The following GIGYF1 variants were observed in gnomAD, a reference collection of about 807,000 sequenced individuals.
The protein encoded by GIGYF1 is GRB10-interacting GYF protein 1.
GIGYF1 carries 84 observed loss-of-function variants against 147.1 expected under a neutral mutation model. The observed-to-expected ratio is 0.57, with a 90% CI of 0.48 to 0.68. GIGYF1 has a LOEUF of 0.68. Ranked by LOEUF, GIGYF1 falls within the 30% of genes least tolerant of loss-of-function variation. The pLI, the probability that GIGYF1 is intolerant of heterozygous loss-of-function variation, is 0.00. For synonymous variants in GIGYF1, 752 were observed against 589.5 expected (o/e 1.28, Z -3.99); for missense variants, 1,485 against 1,393.7 (o/e 1.07, Z -1.04).
At position 100,682,213 on chromosome 7, in the gene GIGYF1, G is replaced by C. The variant is rs775360168; in HGVS notation, c.2784C>G (p.Leu928=). 1 of 1,612,840 alleles carries C rather than the reference G, an allele frequency of 6.2e-7. No homozygotes were observed. ...SLDVPMAVAI[L]KEVESPYDVH... ...CATCATAGGGGGATTCCACCTCCTT[G>C]AGGATCGCTACAGCCATGGGCACTG... The change falls in exon 25 of 27, where the codon CTC becomes CTG. Residue 928 remains leucine (L), a synonymous_variant. Coordinates refer to ENST00000678049, the MANE Select transcript of GIGYF1 (RefSeq NM_001375765.1).
At position 100,682,131 on chromosome 7, in the gene GIGYF1, T is replaced by C; in HGVS notation, c.2866A>G (p.Lys956Glu). ...TTGGCCCTCCGCTCCAGGAATTGTT[T>C]GGCAAATTCTTTGGCTTCCAGCGTG... ...GDTLEAKEFA[K>E]QFLERRAKQK... The change falls in exon 25 of 27, where the codon AAA (lysine) becomes GAA (glutamate). Residue 956 changes from lysine (K) to glutamate (E), a missense_variant. Lys to Glu is a moderately conservative substitution (Grantham distance 56, BLOSUM62 1). Coordinates refer to ENST00000678049, the MANE Select transcript of GIGYF1 (RefSeq NM_001375765.1). The C allele has an allele frequency of 6.2e-7, 1 of 1,614,034 alleles. No homozygotes were observed. The highest frequency in any genetic ancestry group is 8.5e-7 in the Non-Finnish European group (1 of 1,179,956).
Position 100,683,911 on chromosome 7 carries a change from C to T in GIGYF1, c.1876G>A (p.Asp626Asn). ...LQALKPPRGGDQNLLPTMSRS... is the reference protein window; with the variant it reads ...LQALKPPRGGNQNLLPTMSRS... Reference sequence around the variant, plus strand: ...CTCATCGTCGGGAGCAGGTTCTGGTCCCCGCCTCTGAGGAGCAAATTGTGG... The same window carrying T: ...CTCATCGTCGGGAGCAGGTTCTGGTTCCCGCCTCTGAGGAGCAAATTGTGG... The change falls in exon 19 of 27, where the codon GAC (aspartate) becomes AAC (asparagine). Residue 626 changes from aspartate to asparagine, a missense_variant. Asp to Asn is a conservative substitution (Grantham distance 23). Coordinates refer to ENST00000678049, the MANE Select transcript of GIGYF1 (RefSeq NM_001375765.1). 1 of 1,555,208 alleles carries T rather than the reference C, an allele frequency of 6.4e-7. No homozygotes were observed.
chr7:100,692,975 C>T (rs558671246), intron 1 of GIGYF1, among the ~76,000 whole-genome samples: 1 of 152,254 alleles, frequency 6.6e-6, no homozygotes, highest in Non-Finnish European at 1.5e-5. Flanking sequence ...TTACTGGTAC[C>T]ACCGATGGTG....
rs1805820098 is a variant in GIGYF1, at chr7:100,691,505, G to GTTTTTT, written c.-1098-1951_-1098-1950insAAAAAA. ...GGAGAAAATCTTTGAGAAAAGAATA[G>GTTTTTT]ATTTTTTTTTTTTAAGAAAAACTGC... On this transcript the variant is annotated intron_variant, in intron 1 of 26. Transcript: ENST00000678049. 4.2e-4 allele frequency among the ~76,000 whole-genome samples: 9 copies of GTTTTTT among 21,650 alleles called. No individual in the cohort carries two copies. In the Admixed American group the frequency reaches 6.1e-3, roughly 15 times the overall value. 14.2% of individuals were successfully genotyped at this position (21,650 alleles called of 152,430 possible). A position where few individuals can be genotyped will look rare whatever the true frequency, so the allele number is the denominator to read the frequency against.
At chr7:100,684,371 C>G in intron 16 of GIGYF1, 34 bp from the exon 17 acceptor site, 1 of 1,596,846 alleles carries the variant, frequency 6.3e-7, no homozygotes, top group East Asian at 2.3e-5. Context: ...GTGCCCCCAG[C>G]AGGGAGGAGG....
rs140997486 is a variant in GIGYF1, at chr7:100,683,845, C to T, written c.1942G>A (p.Val648Ile). ...SVPDSGRLWD[V>I]HTSASSQSGG... Reference sequence around the variant, plus strand: ...GACTGTGATGAGGCTGAGGTATGTACGTCCCAGAGGCGGCCCGAATCTGGC... The same window carrying T: ...GACTGTGATGAGGCTGAGGTATGTATGTCCCAGAGGCGGCCCGAATCTGGC... The change falls in exon 19 of 27, where the codon GTA becomes ATA. Residue 648 changes from valine to isoleucine, a missense_variant. Physicochemically the swap from Val to Ile is conservative, Grantham distance 29. Transcript: ENST00000678049. 6.1e-4 allele frequency: 951 copies of T among 1,569,914 alleles called. 3 individuals are homozygous for T. In the African/African-American group the frequency reaches 0.011, roughly 18 times the overall value.
In GIGYF1 at chr7:100,680,043, T is replaced by G. The variant is rs529570980; in HGVS notation, c.*1676A>C. 2 of 151,702 alleles carry G rather than the reference T, an allele frequency of 1.3e-5. No individual in the cohort carries two copies. The highest frequency in any genetic ancestry group is 2.1e-4 in the South Asian group (1 of 4,814). The allele number at this position is 151,702 out of a possible 1,614,324, so 9.4% of individuals were successfully genotyped here. On this transcript the variant is annotated 3_prime_UTR_variant, in exon 27 of 27. Transcript: ENST00000678049. ...CCCCGGCCCGTCACCCCTTATTGCT[T>G]TAGAGAGAATATTGTCTTTTCAGGG...
chr7:100,687,739 G>C, intron 6 of GIGYF1, 49 bp downstream of exon 6: 1 of 1,553,596 alleles, frequency 6.4e-7, no homozygotes. Flanking sequence ...CCCAACCCAT[G>C]GCCTCCCCTC....
chr7:100,683,195 CTGT>C lies in GIGYF1; in HGVS notation c.2226_2228del (p.Gln746del). The C allele has an allele frequency of 6.2e-7, 1 of 1,608,896 alleles. No individual in the cohort carries two copies. The highest frequency in any genetic ancestry group is 8.5e-7 in the Non-Finnish European group (1 of 1,179,760). On this transcript the variant is annotated inframe_deletion, in exon 22 of 27. Transcript: ENST00000678049. ...GGGGCACAGGGACCGCCTGCTGCTG[CTGT>C]AGCAACTTCAGCAATAGCTCCTGCT...
At chr7:100,686,119 T>C in intron 11 of GIGYF1, 40 bp from the exon 12 acceptor site, 3 of 1,520,442 alleles carry the variant, frequency 2.0e-6, no homozygotes, top group East Asian at 2.3e-5. Flanking sequence ...ACAGCTGGGG[T>C]GGGTGGGGAG....
rs763751611 is a variant in GIGYF1, at chr7:100,682,670, G to C, written c.2520C>G (p.Leu840=). The change falls in exon 23 of 27, where the codon CTC becomes CTG. Residue 840 remains leucine, a synonymous_variant. Coordinates refer to ENST00000678049, the MANE Select transcript of GIGYF1 (RefSeq NM_001375765.1). ...CGCCGCTCTTGGGGGTGTCCTCCCA[G>C]AGCCCCAGGCCGCTGCTGCCGCCCC... ...KSGGGSSGLG[L]WEDTPKSGGS... The C allele has an allele frequency of 2.5e-6, 4 of 1,603,624 alleles. No homozygotes were observed. Among genetic ancestry groups the C allele is most frequent in the Non-Finnish European group, 3.4e-6 (4 of 1,176,358 alleles).
rs376468479 is a variant in GIGYF1, at chr7:100,686,928, G to A, written c.523+78C>T. 6.0e-4 allele frequency: 963 copies of A among 1,605,240 alleles called. 1 individual carries two copies. Among genetic ancestry groups the A allele is most frequent in the Admixed American group, 1.3e-3 (81 of 60,002 alleles). On this transcript the variant is annotated intron_variant, in intron 9 of 26. Coordinates refer to ENST00000678049, the MANE Select transcript of GIGYF1 (RefSeq NM_001375765.1). Reference sequence around the variant, plus strand: ...AGGCCCTCCTGCCCCCAACACCTCCGAAATAAGCACCCCCAGACTGGGCCA... The same window carrying A: ...AGGCCCTCCTGCCCCCAACACCTCCAAAATAAGCACCCCCAGACTGGGCCA...
At position 100,684,339 on chromosome 7, in the gene GIGYF1, T is replaced by G; in HGVS notation, c.1630-2A>C. On this transcript the variant is annotated splice_acceptor_variant, in intron 16 of 26. Transcript: ENST00000678049. LOFTEE classifies it high-confidence loss of function. The stretch of plus-strand genomic sequence containing the variant: ...CAGCCGCTCCTGGTCCATGTTTCCC[T>G]GCTCAGGTGAGAGCTCGGCCAGTGC... 6.3e-7 allele frequency: 1 copy of G among 1,595,686 alleles called. No homozygotes were observed. The highest frequency in any genetic ancestry group is 8.5e-7 in the Non-Finnish European group (1 of 1,172,320).
In GIGYF1 at chr7:100,683,890, T is replaced by C. The variant is rs1287300981; in HGVS notation, c.1897A>G (p.Met633Val). 1 of 1,555,724 alleles carries C rather than the reference T, an allele frequency of 6.4e-7. No homozygotes were observed. Among genetic ancestry groups the C allele is most frequent in the Admixed American group, 2.0e-5 (1 of 51,210 alleles). The change falls in exon 19 of 27, where the codon ATG becomes GTG. Residue 633 changes from methionine (M) to valine (V), a missense_variant. Met to Val is a conservative substitution (Grantham distance 21). Coordinates refer to ENST00000678049, the MANE Select transcript of GIGYF1 (RefSeq NM_001375765.1). Reference protein sequence around the residue: ...RGGDQNLLPTMSRSLSVPDSG... With the variant: ...RGGDQNLLPTVSRSLSVPDSG... ...TCTGGCACCGACAAGGACCGGCTCA[T>C]CGTCGGGAGCAGGTTCTGGTCCCCG...
intron 1 of GIGYF1, among the ~76,000 whole-genome samples, chr7:100,690,127 T>C (rs1354088542): frequency 2.0e-5 from 3 of 152,240 alleles, no homozygotes; most frequent in African/African-American, 7.2e-5. Context: ...AATTTTGTTG[T>C]ATATTTTACC....
In GIGYF1 at chr7:100,682,602, C is replaced by T. The variant is rs1464327531; in HGVS notation, c.2588G>A (p.Ser863Asn). The T allele has an allele frequency of 2.5e-6, 4 of 1,596,500 alleles. No individual in the cohort carries two copies. In the African/African-American group the frequency reaches 5.3e-5, roughly 21 times the overall value. ...GTGCCACGCCCACCTGAGAGATGGG[C>T]TGCTCCGGCTGTTCTTCAGGCCGAG... ...RGLGLKNSRS[S>N]PSLSDSYSHL... is the part of the protein sequence containing the mutation. Residue 863 changes from serine (S) to asparagine (N), a missense_variant, in exon 23 of 27, where the codon AGC (serine) becomes AAC (asparagine). Coordinates refer to ENST00000678049, the MANE Select transcript of GIGYF1 (RefSeq NM_001375765.1).
Position 100,686,756 on chromosome 7 carries a change from T to C in GIGYF1, c.587A>G (p.Glu196Gly). The part of the protein sequence containing the change: ...PRKEHARSDS[E>G]NWRSLREEQE... Reference sequence around the variant, plus strand: ...TTCCTCCCGTAGGGAGCGCCAGTTCTCGCTGTCTGAGCGGGCGTGCTCCTT... The same window carrying C: ...TTCCTCCCGTAGGGAGCGCCAGTTCCCGCTGTCTGAGCGGGCGTGCTCCTT... The change falls in exon 10 of 27, where the codon GAG becomes GGG. Residue 196 changes from glutamate (E) to glycine (G), a missense_variant. By Grantham distance (98) the Glu-to-Gly change is moderately conservative (BLOSUM62 -2). Coordinates refer to ENST00000678049, the MANE Select transcript of GIGYF1 (RefSeq NM_001375765.1). The C allele has an allele frequency of 6.2e-7, 1 of 1,614,030 alleles. No homozygotes were observed. The highest frequency in any genetic ancestry group is 1.1e-5 in the South Asian group (1 of 91,090).
chr7:100,688,383 C>T (rs1805579394), intron 3 of GIGYF1, 68 bp downstream of exon 3: 6 of 755,656 alleles, frequency 7.9e-6, no homozygotes, highest in Non-Finnish European at 1.4e-5. Flanking sequence ...CCATGGGGGA[C>T]ATCCTAGTGG....
chr7:100,687,888 C>T lies in GIGYF1; in HGVS notation c.166-5G>A, dbSNP rs999604848. ...GTCCTGCAGCTCTTCCGGGACCTGG[C>T]AGTGGGTTGGGACAGCCAAGACACC... On this transcript the variant is annotated splice_polypyrimidine_tract_variant and splice_region_variant and intron_variant, in intron 5 of 26. Coordinates refer to ENST00000678049, the MANE Select transcript of GIGYF1 (RefSeq NM_001375765.1). 3.7e-6 allele frequency: 6 copies of T among 1,613,548 alleles called. No homozygotes were observed. The African/African-American group carries it at 5.3e-5, about 14-fold the overall frequency.
Sources: gnomAD v4.1 joint callset for allele counts (sites outside exome capture counted in the v4.1 genomes callset) on GRCh38, gnomAD v4.1.1 for gene constraint, MANE v1.5 for transcripts, NCBI Gene and HGNC (gene_info 2026-07-23, HGNC 2026-07-21) for gene names.